ZNF772: variants seen among roughly 807,000 people sequenced by gnomAD.
ZNF772 encodes the protein zinc finger protein 772.
A neutral mutation model predicts 11.0 loss-of-function variants in ZNF772; 8 were observed. That is an observed-to-expected ratio of 0.73 (90% CI 0.43 to 1.31). The LOEUF is 1.31. ZNF772 is among the 50% of genes most tolerant of loss of function. The pLI, the probability that ZNF772 is intolerant of heterozygous loss-of-function variation, is 0.01. For synonymous variants in ZNF772, 155 were observed against 180.4 expected (o/e 0.86, Z 1.13); for missense variants, 496 against 552.3 (o/e 0.90, Z 1.02).
chr19:57,473,240 T>C lies in ZNF772; in HGVS notation c.*34A>G, dbSNP rs1890293962. 6.3e-7 allele frequency: 1 copy of C among 1,581,206 alleles called. No homozygotes were observed. The highest frequency in any genetic ancestry group is 1.8e-5 in the Admixed American group (1 of 57,008). On this transcript the variant is annotated 3_prime_UTR_variant, in exon 4 of 4. Coordinates refer to ENST00000356584, the MANE Select transcript of ZNF772 (RefSeq NM_001144068.2). ...GGAGCTTCTCTCTGATGTCAGTTAT[T>C]ATGTTGAACAAGGAAACGGAATTAT...
At chr19:57,474,755 A>G (rs1480463404) in intron 3 of ZNF772, among the ~76,000 whole-genome samples, 18 of 152,222 alleles carry the variant, frequency 1.2e-4, no homozygotes, top group Admixed American at 1.2e-3. Context: ...AGAAAATCAA[A>G]TTGCTACTCA....
intron 3 of ZNF772, among the ~76,000 whole-genome samples, chr19:57,474,793 C>T (rs752474418): frequency 6.6e-6 from 1 of 152,170 alleles, no homozygotes; most frequent in Non-Finnish European, 1.5e-5. Flanking sequence ...ACTATTTGGG[C>T]TACACATCTC....
In ZNF772 at chr19:57,477,446, C is replaced by T. The variant is rs947877126; in HGVS notation, c.-137G>A. The stretch of plus-strand genomic sequence containing the variant: ...GCCCACCTCTCTTCAGGGAAGAAGA[C>T]ACTCTCTCACGTTTTCCCTTTTCTG... On this transcript the variant is annotated 5_prime_UTR_variant, in exon 1 of 4. Coordinates refer to ENST00000356584, the MANE Select transcript of ZNF772 (RefSeq NM_001144068.2). 3.6e-5 allele frequency: 30 copies of T among 843,518 alleles called. No homozygotes were observed. The Admixed American group carries it at 3.7e-4, about 10-fold the overall frequency. 52.3% of individuals were successfully genotyped at this position (843,518 alleles called of 1,614,324 possible). A position where few individuals can be genotyped will look rare whatever the true frequency, so the allele number is the denominator to read the frequency against.
chr19:57,469,789 C>T lies in ZNF772; in HGVS notation c.*3485G>A, dbSNP rs970786052. On this transcript the variant is annotated 3_prime_UTR_variant, in exon 4 of 4. Coordinates refer to ENST00000356584, the MANE Select transcript of ZNF772 (RefSeq NM_001144068.2). ...CTTAAATAACATCAACCATTTTTAC[C>T]TAATCAACACTTGTAGAACCCCTTC... 1 of 152,118 alleles carries T rather than the reference C, an allele frequency of 6.6e-6. No individual in the cohort carries two copies. The highest frequency in any genetic ancestry group is 6.5e-5 in the Admixed American group (1 of 15,278). The allele number at this position is 152,118 out of a possible 1,614,324, so 9.4% of individuals were successfully genotyped here. A position where few individuals can be genotyped will look rare whatever the true frequency, so the allele number is the denominator to read the frequency against.
At chr19:57,474,839 C>T (rs2089263873) in intron 3 of ZNF772, among the ~76,000 whole-genome samples, 1 of 152,216 alleles carries the variant, frequency 6.6e-6, no homozygotes, top group African/African-American at 2.4e-5. Flanking sequence ...CTGGAAGGCA[C>T]TGTAGAACAA....
At position 57,474,966 on chromosome 19, in the gene ZNF772, G is replaced by A. The variant is rs117735741; in HGVS notation, c.200-545C>T. On this transcript the variant is annotated intron_variant, in intron 3 of 3. Coordinates refer to ENST00000356584, the MANE Select transcript of ZNF772 (RefSeq NM_001144068.2). Reference sequence around the variant, plus strand: ...CTAATACAACTGTAGGCACAAAGAGGCTATGGAATGATATGAACCCAGCCC... The same window carrying A: ...CTAATACAACTGTAGGCACAAAGAGACTATGGAATGATATGAACCCAGCCC... The A allele has an allele frequency of 1.9e-3, 3,087 of 1,610,380 alleles. 5 individuals carry two copies. The highest frequency in any genetic ancestry group is 2.4e-3 in the Non-Finnish European group (2,862 of 1,177,662).
In ZNF772 at chr19:57,472,797, G is replaced by A. The variant is rs960251618; in HGVS notation, c.*477C>T. The A allele has an allele frequency of 6.3e-6, 1 of 159,312 alleles. No homozygotes were observed. The highest frequency in any genetic ancestry group is 1.9e-4 in the South Asian group (1 of 5,260). The allele number at this position is 159,312 out of a possible 1,614,324, so 9.9% of individuals were successfully genotyped here. A position where few individuals can be genotyped will look rare whatever the true frequency, so the allele number is the denominator to read the frequency against. On this transcript the variant is annotated 3_prime_UTR_variant, in exon 4 of 4. Transcript: ENST00000356584. The stretch of plus-strand genomic sequence containing the variant: ...AAAATTCGTCCCAAGTGCCATGTGA[G>A]ATCAACTATATCCATGAAGGGAAAC...
At position 57,474,382 on chromosome 19, in the gene ZNF772, T is replaced by C. The variant is rs1244807959; in HGVS notation, c.239A>G (p.Glu80Gly). Reference protein sequence around the residue: ...HGMEDEEIPFEQSFSIGMSQI... With the variant: ...HGMEDEEIPFGQSFSIGMSQI... Reference sequence around the variant, plus strand: ...TGACATTCCTATAGAAAAGCTCTGCTCAAAAGGTATCTCTTCATCCTCCAT... The same window carrying C: ...TGACATTCCTATAGAAAAGCTCTGCCCAAAAGGTATCTCTTCATCCTCCAT... Residue 80 changes from glutamate to glycine, a missense_variant, in exon 4 of 4, where the codon GAG becomes GGG. By Grantham distance (98) the Glu-to-Gly change is moderately conservative. Transcript: ENST00000356584. 6.2e-7 allele frequency: 1 copy of C among 1,610,392 alleles called. No homozygotes were observed. Among genetic ancestry groups the C allele is most frequent in the Non-Finnish European group, 8.5e-7 (1 of 1,179,798 alleles).
Position 57,477,445 on chromosome 19 carries a change from A to G in ZNF772, c.-136T>C, listed in dbSNP as rs1366903461. On this transcript the variant is annotated 5_prime_UTR_variant, in exon 1 of 4. Coordinates refer to ENST00000356584, the MANE Select transcript of ZNF772 (RefSeq NM_001144068.2). ...GGCCCACCTCTCTTCAGGGAAGAAG[A>G]CACTCTCTCACGTTTTCCCTTTTCT... 8 of 842,834 alleles carry G rather than the reference A, an allele frequency of 9.5e-6. No homozygotes were observed. Among genetic ancestry groups the G allele is most frequent in the Non-Finnish European group, 9.3e-6 (5 of 535,128 alleles). The allele number at this position is 842,834 out of a possible 1,614,324, so 52.2% of individuals were successfully genotyped here.
rs2089209508 is a variant in ZNF772, at chr19:57,471,174, T to C, written c.*2100A>G. 3 of 152,154 alleles carry C rather than the reference T, an allele frequency of 2.0e-5. No homozygotes were observed. Among genetic ancestry groups the C allele is most frequent in the Admixed American group, 6.5e-5 (1 of 15,284 alleles). 9.4% of individuals were successfully genotyped at this position (152,154 alleles called of 1,614,324 possible). A position where few individuals can be genotyped will look rare whatever the true frequency, so the allele number is the denominator to read the frequency against. On this transcript the variant is annotated 3_prime_UTR_variant, in exon 4 of 4. Transcript: ENST00000356584. The stretch of plus-strand genomic sequence containing the variant: ...CTTCCAGAGAGCTGAAGAGCAGGAA[T>C]ACTTCCCAACTTACTCTATAAAGCT...
In ZNF772 at chr19:57,475,053, G is replaced by A. The variant is rs2089266509; in HGVS notation, c.199+607C>T. 5.0e-6 allele frequency: 8 copies of A among 1,614,156 alleles called. No homozygotes were observed. The highest frequency in any genetic ancestry group is 6.8e-6 in the Non-Finnish European group (8 of 1,180,026). On this transcript the variant is annotated intron_variant, in intron 3 of 3. Coordinates refer to ENST00000356584, the MANE Select transcript of ZNF772 (RefSeq NM_001144068.2). This position sits in a 1 kb window ranked among gnomAD's most constrained non-coding sequence, Gnocchi z 4.2. The stretch of plus-strand genomic sequence containing the variant: ...GTCACTCCCACCTGGAGTCTCTGTG[G>A]CAACAGCTAGGGTCATGTCCACCCA...
In ZNF772 at chr19:57,473,069, C is replaced by A; in HGVS notation, c.*205G>T. 1.7e-6 allele frequency: 1 copy of A among 591,836 alleles called. No homozygotes were observed. The highest frequency in any genetic ancestry group is 2.9e-6 in the Non-Finnish European group (1 of 339,638). 36.7% of individuals were successfully genotyped at this position (591,836 alleles called of 1,614,324 possible). A position where few individuals can be genotyped will look rare whatever the true frequency, so the allele number is the denominator to read the frequency against. On this transcript the variant is annotated 3_prime_UTR_variant, in exon 4 of 4. Transcript: ENST00000356584. ...TGGCTTCTAACAGGCACTGCCTTGA[C>A]GAAATTCCAGCAAGAGTCTAGAAAA...
At position 57,477,347 on chromosome 19, in the gene ZNF772, G is replaced by A; in HGVS notation, c.-38C>T. 5 of 1,612,384 alleles carry A rather than the reference G, an allele frequency of 3.1e-6. No individual in the cohort carries two copies. Among genetic ancestry groups the A allele is most frequent in the Non-Finnish European group, 3.4e-6 (4 of 1,179,358 alleles). On this transcript the variant is annotated 5_prime_UTR_variant, in exon 1 of 4. Coordinates refer to ENST00000356584, the MANE Select transcript of ZNF772 (RefSeq NM_001144068.2). ...CTACGGAAGGGTGGCGACAAGTGCA[G>A]GAACCTGGGATCAGCTGTCCAGGGC... is the stretch of plus-strand genomic sequence containing the variant.
rs1568559938 is a variant in ZNF772 at position 57,476,585 on chromosome 19, G to GT, written c.72+48dup. On this transcript the variant is annotated intron_variant, in intron 2 of 3. Coordinates refer to ENST00000356584, the MANE Select transcript of ZNF772 (RefSeq NM_001144068.2). ...ATATAACACCACAATGCTGGAGAGC[G>GT]TATTGGGTGGGGGTGGGATCGGTGA... 3 of 1,579,980 alleles carry GT rather than the reference G, an allele frequency of 1.9e-6. No individual in the cohort carries two copies. The African/African-American group carries it at 4.0e-5, about 21-fold the overall frequency.
Position 57,475,200 on chromosome 19 carries a change from T to C in ZNF772, c.199+460A>G. On this transcript the variant is annotated intron_variant, in intron 3 of 3. Transcript: ENST00000356584. This position sits in a 1 kb window ranked among gnomAD's most constrained non-coding sequence, Gnocchi z 4.2. ...TGGGTAACCCATATAGAAAACTAAA[T>C]ATTATTAAAATAATCTCAGAGTAAG... The C allele has an allele frequency of 6.3e-7, 1 of 1,598,196 alleles. No homozygotes were observed. Among genetic ancestry groups the C allele is most frequent in the African/African-American group, 1.3e-5 (1 of 74,454 alleles).
Position 57,476,900 on chromosome 19 carries a change from C to G in ZNF772, c.34-228G>C, listed in dbSNP as rs118094625. ...CCCTCCATGAGCAGTCTATGGAATA[C>G]TTTTTAAACCCTCGGATTCTGGCTC... On this transcript the variant is annotated intron_variant, in intron 1 of 3. Transcript: ENST00000356584. Among the ~76,000 whole-genome samples the G allele has an allele frequency of 4.0e-3, 613 of 152,280 alleles. 1 individual carries two copies. Among genetic ancestry groups the G allele is most frequent in the Non-Finnish European group, 6.3e-3 (428 of 68,024 alleles).
chr19:57,474,232 G>T lies in ZNF772; in HGVS notation c.389C>A (p.Pro130Gln). 6.2e-7 allele frequency: 1 copy of T among 1,614,168 alleles called. No homozygotes were observed. The highest frequency in any genetic ancestry group is 1.3e-5 in the African/African-American group (1 of 75,032). The change falls in exon 4 of 4, where the codon CCA becomes CAA. Residue 130 changes from proline to glutamine, a missense_variant. Physicochemically the swap from Pro to Gln is moderately conservative, Grantham distance 76. Coordinates refer to ENST00000356584, the MANE Select transcript of ZNF772 (RefSeq NM_001144068.2). Reference sequence around the variant, plus strand: ...TTTCCCACACAGCACACACATGTATGGTTTCTGCCCTGGGTGTGTTTCCTG... The same window carrying T: ...TTTCCCACACAGCACACACATGTATTGTTTCTGCCCTGGGTGTGTTTCCTG... ...EHQETHPGQK[P>Q]YMCVLCGKQF...
At position 57,475,671 on chromosome 19, in the gene ZNF772, A is replaced by AT. The variant is rs1225416583; in HGVS notation, c.187dup (p.Met63AsnfsTer13). 4.3e-6 allele frequency: 7 copies of AT among 1,613,892 alleles called. No homozygotes were observed. Among genetic ancestry groups the AT allele is most frequent in the Non-Finnish European group, 5.9e-6 (7 of 1,179,892 alleles). ...TGTGACGGCCTTACCCAGAGAGGCC[A>AT]TAAGTGCAAAGTTCTCCAGCATCAC... On this transcript the variant is annotated frameshift_variant, in exon 3 of 4. Transcript: ENST00000356584. LOFTEE classifies it low-confidence loss of function (END_TRUNC). This position sits in a 1 kb window ranked among gnomAD's most constrained non-coding sequence, Gnocchi z 4.2.
At chr19:57,474,821 G>T (rs958364582) in intron 3 of ZNF772, among the ~76,000 whole-genome samples, 1 of 152,342 alleles carries the variant, frequency 6.6e-6, no homozygotes, top group South Asian at 2.1e-4. Context: ...ACTAAGTACA[G>T]GCCAATGCTG....
Sources: allele counts gnomAD v4.1 joint callset (sites outside exome capture counted in the v4.1 genomes callset), GRCh38; gene constraint gnomAD v4.1.1; non-coding constraint Gnocchi (gnomAD v3.1); transcripts MANE v1.5; gene names NCBI Gene and HGNC (gene_info 2026-07-23, HGNC 2026-07-21).